NBAS: variants seen among roughly 807,000 people sequenced by gnomAD.
The protein encoded by NBAS is NBAS subunit of NRZ tethering complex.
NBAS carries 219 observed loss-of-function variants against 302.5 expected under a neutral mutation model. That is an observed-to-expected ratio of 0.72 (90% confidence interval 0.65 to 0.81). The LOEUF (loss-of-function observed/expected upper bound fraction) is 0.81. Among genes scored for constraint, NBAS ranks in the 30% least tolerant of loss-of-function variants. The pLI is 0.00. For missense variants in NBAS, 2,932 were observed against 2,841.6 expected (o/e 1.03, Z -0.72); for synonymous variants, 1,118 against 1,021.6 (o/e 1.09, Z -1.80).
chr2:15,423,164 C>T (rs1253735231), intron 23 of NBAS, among the ~76,000 whole-genome samples: 3 of 152,152 alleles, frequency 2.0e-5, no homozygotes. Context: ...TTTCTGTGAA[C>T]TTTATCTATT....
the NBAS span, among the ~76,000 whole-genome samples, chr2:15,029,060 G>T: frequency 6.6e-6 from 1 of 152,134 alleles, no homozygotes; most frequent in African/African-American, 2.4e-5. Flanking sequence ...ACTTAGTCTG[G>T]TCCATATCTG....
At chr2:14,847,882 C>T in the NBAS span, among the ~76,000 whole-genome samples, 2 of 152,140 alleles carry the variant, frequency 1.3e-5, no homozygotes, top group Non-Finnish European at 2.9e-5. Context: ...TATGTTAGGT[C>T]ACAAAACAAG....
At chr2:14,779,931 C>T in the NBAS span, among the ~76,000 whole-genome samples, 28 of 152,288 alleles carry the variant, frequency 1.8e-4, no homozygotes, top group East Asian at 1.5e-3. Context: ...ATATAACTCT[C>T]ACATGACCCA....
At chr2:15,256,258 A>G (rs1432209397) in intron 44 of NBAS, among the ~76,000 whole-genome samples, 1 of 151,982 alleles carries the variant, frequency 6.6e-6, no homozygotes, top group Non-Finnish European at 1.5e-5. Flanking sequence ...TTCCAAGTAG[A>G]GATCATTCAC....
the NBAS span, among the ~76,000 whole-genome samples, chr2:14,918,655 T>C: frequency 6.6e-6 from 1 of 152,246 alleles, no homozygotes; most frequent in African/African-American, 2.4e-5. Context: ...TTGACAAGTC[T>C]GCACTTGACC....
At chr2:15,207,391 G>A (rs936822684) in intron 48 of NBAS, among the ~76,000 whole-genome samples, 10 of 152,124 alleles carry the variant, frequency 6.6e-5, no homozygotes, top group East Asian at 1.9e-4. Context: ...AAAACAACTC[G>A]TCTTGTCTCA....
At chr2:15,295,715 C>T (rs1670520400) in intron 40 of NBAS, among the ~76,000 whole-genome samples, 1 of 152,100 alleles carries the variant, frequency 6.6e-6, no homozygotes, top group African/African-American at 2.4e-5. Flanking sequence ...ATGTGTATAT[C>T]ATAATTTGCA....
chr2:14,830,948 T>G, the NBAS span, among the ~76,000 whole-genome samples: 7 of 152,180 alleles, frequency 4.6e-5, no homozygotes, highest in African/African-American at 1.4e-4. Context: ...TATCACTGAA[T>G]GTGGAGCTGG....
At chr2:15,142,538 TC>T in the NBAS span, among the ~76,000 whole-genome samples, 95 of 152,354 alleles carry the variant, frequency 6.2e-4, 1 homozygote, top group South Asian at 0.019. Context: ...GAGGGAACGC[TC>T]CCCTTGTTTT....
intron 44 of NBAS, among the ~76,000 whole-genome samples, chr2:15,268,716 G>A: frequency 6.6e-6 from 1 of 152,084 alleles, no homozygotes; most frequent in South Asian, 2.1e-4. Context: ...TAGTATAGGA[G>A]GACAAAAATA....
chr2:15,281,473 T>G (rs1669822121), intron 42 of NBAS, among the ~76,000 whole-genome samples: 1 of 152,216 alleles, frequency 6.6e-6, no homozygotes, highest in South Asian at 2.1e-4. Flanking sequence ...ATGTGCAATG[T>G]TAGGTTGCCA....
chr2:15,184,819 T>A (rs1002584521), intron 50 of NBAS, among the ~76,000 whole-genome samples: 2 of 152,224 alleles, frequency 1.3e-5, no homozygotes, highest in Admixed American at 1.3e-4. Flanking sequence ...AGTGGCCATG[T>A]CATAGCCAAC....
intron 8 of NBAS, 41 bp from the exon 9 acceptor site, chr2:15,534,682 C>A: frequency 3.6e-6 from 5 of 1,370,418 alleles, no homozygotes; most frequent in Non-Finnish European, 5.2e-6. Flanking sequence ...TACCATTAAA[C>A]CACAATGAAT....
intron 20 of NBAS, 141 bp from the exon 21 acceptor site, chr2:15,461,478 T>C: frequency 2.2e-6 from 2 of 906,472 alleles, no homozygotes; most frequent in Non-Finnish European, 3.5e-6. Flanking sequence ...TTTCCTAGCC[T>C]ATATCCTGTT....
At chr2:15,500,678 G>A (rs1035217204) in intron 11 of NBAS, among the ~76,000 whole-genome samples, 3 of 151,840 alleles carry the variant, frequency 2.0e-5, no homozygotes, top group Non-Finnish European at 4.4e-5. Context: ...GCTCACGCCT[G>A]TAATCCCAGC....
chr2:15,532,940 C>A (rs148467277), intron 9 of NBAS, among the ~76,000 whole-genome samples: 1 of 151,168 alleles, frequency 6.6e-6, no homozygotes, highest in Non-Finnish European at 1.5e-5. Context: ...AACAACAAAC[C>A]CCCTATCAAA....
At chr2:15,009,572 C>A in the NBAS span, among the ~76,000 whole-genome samples, 1 of 148,886 alleles carries the variant, frequency 6.7e-6, no homozygotes, top group Admixed American at 6.8e-5. Flanking sequence ...GTTGCCACAA[C>A]CACAAGCTAG....
chr2:15,466,023 T>C (rs1679708006), intron 19 of NBAS, among the ~76,000 whole-genome samples: 1 of 152,194 alleles, frequency 6.6e-6, no homozygotes, highest in Admixed American at 6.5e-5. Flanking sequence ...ATAGCCAAAC[T>C]AATTGTATCT....
intron 51 of NBAS, chr2:15,178,104 A>C (rs1449037689): frequency 2.1e-6 from 1 of 468,806 alleles, no homozygotes; most frequent in African/African-American, 2.0e-5. Flanking sequence ...TTGAGTAGCA[A>C]GCATATACCT....
Sources: gnomAD v4.1 joint callset for allele counts (sites outside exome capture counted in the v4.1 genomes callset) on GRCh38, gnomAD v4.1.1 for gene constraint, MANE v1.5 for transcripts, NCBI Gene and HGNC (gene_info 2026-07-23, HGNC 2026-07-21) for gene names.